PDE2A: variants seen among roughly 807,000 people sequenced by gnomAD.
PDE2A encodes cGMP-dependent 3',5'-cyclic phosphodiesterase.
PDE2A carries 53 observed loss-of-function variants against 133.6 expected under a neutral mutation model. That is an observed-to-expected ratio of 0.40 (90% CI 0.32 to 0.50). PDE2A has a LOEUF of 0.50. Among genes scored for constraint, PDE2A ranks in the 20% least tolerant of loss-of-function variants. PDE2A has a pLI of 0.73. For missense variants in PDE2A, 796 were observed against 1,232.4 expected, an observed-to-expected ratio of 0.65 and a Z score of 5.30; for synonymous variants, 491 against 490.2, an observed-to-expected ratio of 1.00 and a Z score of -0.02.
Position 72,584,620 on chromosome 11 carries a change from C to G in PDE2A, c.1468G>C (p.Gly490Arg). The change falls in exon 18 of 31, where the codon GGC (glycine) becomes CGC (arginine). Residue 490 changes from glycine (G) to arginine (R), a missense_variant. Coordinates refer to ENST00000334456, the MANE Select transcript of PDE2A (RefSeq NM_002599.5). ...CGGAAGCCGGTGCTGTCGTCCACGCCGCGGTAGAAAAGCGGATGGGCATAT... is the reference window on the plus strand; with the variant it reads ...CGGAAGCCGGTGCTGTCGTCCACGCGGCGGTAGAAAAGCGGATGGGCATAT... ...DAYAHPLFYR[G>R]VDDSTGFRTR... The G allele has an allele frequency of 9.9e-6, 16 of 1,612,998 alleles. No homozygotes were observed. Among genetic ancestry groups the G allele is most frequent in the Non-Finnish European group, 1.4e-5 (16 of 1,180,036 alleles).
At chr11:72,658,832 G>A (rs908103864) in intron 1 of PDE2A, among the ~76,000 whole-genome samples, 1 of 151,808 alleles carries the variant, frequency 6.6e-6, no homozygotes, top group African/African-American at 2.4e-5. Context: ...GTGGGCTTTT[G>A]GTCTAGCAGA....
chr11:72,594,584 T>A (rs1249891730), intron 6 of PDE2A, among the ~76,000 whole-genome samples: 1 of 152,100 alleles, frequency 6.6e-6, no homozygotes, highest in Admixed American at 6.5e-5. Flanking sequence ...GAAGGGACGG[T>A]TGTTGAAAAC....
At position 72,590,310 on chromosome 11, in the gene PDE2A, CG is replaced by C. The variant is rs1856179781; in HGVS notation, c.704-67del. The C allele has an allele frequency of 6.5e-7, 1 of 1,540,124 alleles. No homozygotes were observed. The highest frequency in any genetic ancestry group is 2.4e-5 in the East Asian group (1 of 40,834). On this transcript the variant is annotated intron_variant, in intron 8 of 30. Transcript: ENST00000334456. This position sits in a 1 kb window ranked among gnomAD's most constrained non-coding sequence, Gnocchi z 4.8. ...CACCTCCGTGTCCGGGTCCCTCAGG[CG>C]CCGCTCAGCTCCGCGCCGGGCCCGC...
intron 2 of PDE2A, among the ~76,000 whole-genome samples, chr11:72,628,393 C>T (rs548733304): frequency 1.7e-4 from 25 of 151,044 alleles, no homozygotes; most frequent in East Asian, 5.9e-4. Flanking sequence ...TGCAGTGGCG[C>T]GATCTCGGCT....
At chr11:72,607,429 A>G (rs1857020288) in intron 3 of PDE2A, among the ~76,000 whole-genome samples, 1 of 152,046 alleles carries the variant, frequency 6.6e-6, no homozygotes, top group Non-Finnish European at 1.5e-5. Context: ...CCTTCACCCC[A>G]GCCCAGATGT....
At chr11:72,654,766 T>G (rs1231133919) in intron 1 of PDE2A, among the ~76,000 whole-genome samples, 1 of 152,212 alleles carries the variant, frequency 6.6e-6, no homozygotes, top group African/African-American at 2.4e-5. Context: ...ACAAGATGAA[T>G]TCAGCACCCA....
At chr11:72,670,336 G>A (rs371130089) in intron 1 of PDE2A, among the ~76,000 whole-genome samples, 1 of 152,188 alleles carries the variant, frequency 6.6e-6, no homozygotes, top group Non-Finnish European at 1.5e-5. Context: ...TAGGGCCAGT[G>A]AACGGCTGCT....
intron 1 of PDE2A, among the ~76,000 whole-genome samples, chr11:72,656,365 A>T (rs771361868): frequency 6.6e-6 from 1 of 152,204 alleles, no homozygotes; most frequent in East Asian, 1.9e-4. Flanking sequence ...CCTGAGGAGA[A>T]TGTGAGGGGC....
chr11:72,596,684 G>T, intron 5 of PDE2A, 36 bp from the exon 6 acceptor site: 3 of 1,360,612 alleles, frequency 2.2e-6, no homozygotes, highest in Non-Finnish European at 2.9e-6. Flanking sequence ...CTCCTGCAGG[G>T]CTGGCGAGGC....
chr11:72,669,248 G>A (rs75741113), intron 1 of PDE2A, among the ~76,000 whole-genome samples: 252 of 152,170 alleles, frequency 1.7e-3, no homozygotes, highest in African/African-American at 5.8e-3. Flanking sequence ...CCTCCTCTGC[G>A]CCCAAGGCAA....
At chr11:72,594,265 GA>G (rs1041418144) in intron 6 of PDE2A, among the ~76,000 whole-genome samples, 10 of 152,206 alleles carry the variant, frequency 6.6e-5, no homozygotes, top group African/African-American at 2.4e-4. Context: ...GCTTGTCCAG[GA>G]AGGAGCTGGT....
chr11:72,652,770 C>T, intron 1 of PDE2A: 1 of 455,022 alleles, frequency 2.2e-6, no homozygotes, highest in East Asian at 6.9e-5. Flanking sequence ...CAGCCCCTTC[C>T]AGCTCCCAAG....
At chr11:72,638,844 G>A (rs1858824293) in intron 2 of PDE2A, among the ~76,000 whole-genome samples, 1 of 152,248 alleles carries the variant, frequency 6.6e-6, no homozygotes, top group African/African-American at 2.4e-5. Flanking sequence ...TGGAGGCCCA[G>A]GGATGGCTAC....
Position 72,590,279 on chromosome 11 carries a change from C to T in PDE2A, c.704-35G>A. 6.5e-7 allele frequency: 1 copy of T among 1,546,834 alleles called. No homozygotes were observed. The highest frequency in any genetic ancestry group is 8.7e-7 in the Non-Finnish European group (1 of 1,143,076). On this transcript the variant is annotated intron_variant, in intron 8 of 30. Transcript: ENST00000334456. The surrounding 1 kb of genome is among the most constrained non-coding windows in gnomAD (Gnocchi z 4.8). ...CCAGGCGCCGGTCAGAGAGAGGGCC[C>T]CTCCGCACCTCCGTGTCCGGGTCCC...
chr11:72,581,159 T>C (rs1031227590), intron 23 of PDE2A, among the ~76,000 whole-genome samples, 186 bp from the exon 24 acceptor site: 1 of 152,130 alleles, frequency 6.6e-6, no homozygotes, highest in African/African-American at 2.4e-5. Context: ...TAAATCAGGC[T>C]CAGTCTTCAC....
At chr11:72,592,633 GGGGT>G (rs1856304162) in intron 6 of PDE2A, among the ~76,000 whole-genome samples, 1 of 152,170 alleles carries the variant, frequency 6.6e-6, no homozygotes, top group Non-Finnish European at 1.5e-5. Flanking sequence ...GATCCAGGTA[GGGGT>G]GTGGTCCATG....
At chr11:72,600,759 C>G (rs573645209) in intron 4 of PDE2A, among the ~76,000 whole-genome samples, 1 of 152,222 alleles carries the variant, frequency 6.6e-6, no homozygotes, top group South Asian at 2.1e-4. Context: ...AACTCCACAA[C>G]CCAGGGCCAG....
chr11:72,653,646 C>T (rs757883385), intron 1 of PDE2A, among the ~76,000 whole-genome samples: 1 of 152,146 alleles, frequency 6.6e-6, no homozygotes, highest in East Asian at 1.9e-4. Flanking sequence ...GTGACTCGGA[C>T]GCGGAGACAG....
intron 6 of PDE2A, among the ~76,000 whole-genome samples, chr11:72,594,609 G>T (rs1220415318): frequency 1.3e-5 from 2 of 152,112 alleles, no homozygotes; most frequent in Non-Finnish European, 2.9e-5. Context: ...GGCAGCCAGA[G>T]CCCAGCTGGC....
Sources: allele counts gnomAD v4.1 joint callset (sites outside exome capture counted in the v4.1 genomes callset), GRCh38; gene constraint gnomAD v4.1.1; non-coding constraint Gnocchi (gnomAD v3.1); transcripts MANE v1.5; gene names NCBI Gene and HGNC (gene_info 2026-07-23, HGNC 2026-07-21).